Variants in TIGD1 observed in about 807,000 individuals in gnomAD.
TIGD1 encodes the protein tigger transposable element-derived protein 1.
Under a neutral mutation model 21.3 loss-of-function variants are expected in TIGD1, and 20 were observed. The observed-to-expected ratio is 0.94, with a 90% CI of 0.66 to 1.36. The LOEUF (loss-of-function observed/expected upper bound fraction) is 1.36, where lower values mean the gene tolerates loss of function less well. TIGD1 is among the 40% of genes most tolerant of loss of function. The pLI is 0.00. For missense variants in TIGD1, 556 were observed against 350.5 expected, an observed-to-expected ratio of 1.59 and a Z score of -4.68; for synonymous variants, 177 against 123.2, an observed-to-expected ratio of 1.44 and a Z score of -2.89.
rs59295139 is a variant in TIGD1, at chr2:232,546,193, C to G, written c.*1914G>C. ...AGCCCATACCAGCTGGCATCTCCCC[C>G]CCGTGCCTTCTGGGTACAATAAGCA... On this transcript the variant is annotated 3_prime_UTR_variant, in exon 1 of 1. Coordinates refer to ENST00000408957, the MANE Select transcript of TIGD1 (RefSeq NM_145702.4). 1.2e-4 allele frequency: 27 copies of G among 221,832 alleles called. No homozygotes were observed. Among genetic ancestry groups the G allele is most frequent in the African/African-American group, 5.8e-4 (26 of 44,576 alleles). 13.7% of individuals were successfully genotyped at this position (221,832 alleles called of 1,614,324 possible).
chr2:232,545,388 G>C lies in TIGD1; in HGVS notation c.*2719C>G, dbSNP rs729941. Among the ~76,000 whole-genome samples the C allele has an allele frequency of 0.18, 26,834 of 151,942 alleles. 2,592 individuals carry two copies. Among genetic ancestry groups the C allele is most frequent in the Middle Eastern group, 0.26 (76 of 294 alleles). On this transcript the variant is annotated 3_prime_UTR_variant, in exon 1 of 1. Transcript: ENST00000408957. Reference sequence around the variant, plus strand: ...AGGGGGGGCACCTCAGGGCCAGGGGGCCATGGAATTAGCCACCAGTTGGGA... The same window carrying C: ...AGGGGGGGCACCTCAGGGCCAGGGGCCCATGGAATTAGCCACCAGTTGGGA...
In TIGD1 at chr2:232,545,702, C is replaced by G; in HGVS notation, c.*2405G>C. ...CCCTGGAGATCCACGCCCCTACCTG[C>G]CCTCACCAGACTGAGCCAACCAACC... On this transcript the variant is annotated 3_prime_UTR_variant, in exon 1 of 1. Transcript: ENST00000408957. The G allele has an allele frequency of 6.2e-7, 1 of 1,614,174 alleles. No homozygotes were observed.
chr2:232,547,930 G>C lies in TIGD1; in HGVS notation c.*177C>G, dbSNP rs1366436207. The C allele has an allele frequency of 2.3e-6, 1 of 444,068 alleles. No individual in the cohort carries two copies. Among genetic ancestry groups the C allele is most frequent in the Non-Finnish European group, 3.9e-6 (1 of 254,724 alleles). The allele number at this position is 444,068 out of a possible 1,614,324, so 27.5% of individuals were successfully genotyped here. On this transcript the variant is annotated 3_prime_UTR_variant, in exon 1 of 1. Coordinates refer to ENST00000408957, the MANE Select transcript of TIGD1 (RefSeq NM_145702.4). ...GAGGCATACCTCAAAGACATTGCAGGTTCAGTTCCAGACCAACACAAGAAA... is the reference window on the plus strand; with the variant it reads ...GAGGCATACCTCAAAGACATTGCAGCTTCAGTTCCAGACCAACACAAGAAA...
In TIGD1 at chr2:232,546,352, TTTG is replaced by T. The variant is rs1692135948; in HGVS notation, c.*1752_*1754del. The T allele has an allele frequency of 6.4e-6, 1 of 156,694 alleles. No homozygotes were observed. The highest frequency in any genetic ancestry group is 1.4e-5 in the Non-Finnish European group (1 of 71,228). The allele number at this position is 156,694 out of a possible 1,614,324, so 9.7% of individuals were successfully genotyped here. A position where few individuals can be genotyped will look rare whatever the true frequency, so the allele number is the denominator to read the frequency against. On this transcript the variant is annotated 3_prime_UTR_variant, in exon 1 of 1. Coordinates refer to ENST00000408957, the MANE Select transcript of TIGD1 (RefSeq NM_145702.4). ...TTAGTTTTTGATGTGTTGTTGTTGT[TTTG>T]TTTAGTTTTGAGATAGAGCCTCACT...
In TIGD1 at chr2:232,544,615, C is replaced by A. The variant is rs1164676591; in HGVS notation, c.*3492G>T. The A allele has an allele frequency of 6.3e-7, 1 of 1,589,518 alleles. No individual in the cohort carries two copies. Among genetic ancestry groups the A allele is most frequent in the South Asian group, 1.1e-5 (1 of 90,556 alleles). On this transcript the variant is annotated 3_prime_UTR_variant, in exon 1 of 1. Transcript: ENST00000408957. Reference sequence around the variant, plus strand: ...ACCAGGTGTGCCTGGGGACAGTCCTCCCCTGGGACCCCAGCTGGGGAGCCA... The same window carrying A: ...ACCAGGTGTGCCTGGGGACAGTCCTACCCTGGGACCCCAGCTGGGGAGCCA...
Position 232,549,037 on chromosome 2 carries a change from G to A in TIGD1, c.846C>T (p.Pro282=). The A allele has an allele frequency of 1.4e-6, 1 of 709,126 alleles. No individual in the cohort carries two copies. Among genetic ancestry groups the A allele is most frequent in the Admixed American group, 2.0e-5 (1 of 49,236 alleles). 43.9% of individuals were successfully genotyped at this position (709,126 alleles called of 1,614,324 possible). Residue 282 remains proline (P), a synonymous_variant, in exon 1 of 1, where the codon CCC becomes CCT. Coordinates refer to ENST00000408957, the MANE Select transcript of TIGD1 (RefSeq NM_145702.4). ...TTTCTGAGCAGTAGGTCTCAACAGT[G>A]GGTTTAAAATATTCAGTAAACCACG... ...FTAWFTEYFK[P]TVETYCSEKK...
In TIGD1 at chr2:232,548,031, G is replaced by C. The variant is rs930882146; in HGVS notation, c.*76C>G. On this transcript the variant is annotated 3_prime_UTR_variant, in exon 1 of 1. Coordinates refer to ENST00000408957, the MANE Select transcript of TIGD1 (RefSeq NM_145702.4). ...TACACTATACTGTAGACCAGCAAGA[G>C]TGCAATAGCATTGTCTAATAAAACA... 4 of 548,462 alleles carry C rather than the reference G, an allele frequency of 7.3e-6. No homozygotes were observed. Among genetic ancestry groups the C allele is most frequent in the Admixed American group, 3.7e-5 (1 of 27,100 alleles). The allele number at this position is 548,462 out of a possible 1,614,324, so 34.0% of individuals were successfully genotyped here.
Position 232,545,897 on chromosome 2 carries a change from T to C in TIGD1, c.*2210A>G, listed in dbSNP as rs944288485. The C allele has an allele frequency of 1.7e-5, 13 of 750,462 alleles. No homozygotes were observed. Among genetic ancestry groups the C allele is most frequent in the African/African-American group, 5.2e-5 (3 of 58,246 alleles). The allele number at this position is 750,462 out of a possible 1,614,324, so 46.5% of individuals were successfully genotyped here. On this transcript the variant is annotated 3_prime_UTR_variant, in exon 1 of 1. Coordinates refer to ENST00000408957, the MANE Select transcript of TIGD1 (RefSeq NM_145702.4). ...AGTCTGAGCTGGAGTCCGAGAGTGG[T>C]TGGGGGTGGGCCGTGGCTAGTGTCC... is the stretch of plus-strand genomic sequence containing the variant.
Position 232,544,932 on chromosome 2 carries a change from G to C in TIGD1, c.*3175C>G, listed in dbSNP as rs1478395865. On this transcript the variant is annotated 3_prime_UTR_variant, in exon 1 of 1. Transcript: ENST00000408957. ...GCTGAGTCAGGGTGGGGTGGAGGTG[G>C]AGTGAGTACCTGGGCTTGGAACCGT... 7 of 1,613,366 alleles carry C rather than the reference G, an allele frequency of 4.3e-6. No individual in the cohort carries two copies. The highest frequency in any genetic ancestry group is 5.9e-6 in the Non-Finnish European group (7 of 1,179,830).
Position 232,548,948 on chromosome 2 carries a change from A to G in TIGD1, c.935T>C (p.Met312Thr), listed in dbSNP as rs1220206143. 5 of 684,146 alleles carry G rather than the reference A, an allele frequency of 7.3e-6. No homozygotes were observed. The highest frequency in any genetic ancestry group is 1.3e-5 in the Non-Finnish European group (5 of 373,526). The allele number at this position is 684,146 out of a possible 1,614,324, so 42.4% of individuals were successfully genotyped here. A position where few individuals can be genotyped will look rare whatever the true frequency, so the allele number is the denominator to read the frequency against. The change falls in exon 1 of 1, where the codon ATG becomes ACG. Residue 312 changes from methionine to threonine, a missense_variant. Transcript: ENST00000408957. ...AACATTAATCTCCTCGTATATCTCC[A>G]TCAGAGCTCTTGGATGACTAGGGGC... ...DNAPSHPRAL[M>T]EIYEEINVIF...
In TIGD1 at chr2:232,548,713, T is replaced by C; in HGVS notation, c.1170A>G (p.Ser390=). ...ILDAIKNIRD[S]WEEVKLSTLT... Reference sequence around the variant, plus strand: ...ATGTTGACAATTTGACCTCCTCCCATGAATCACGAATGTTTTTAATGGCAT... The same window carrying C: ...ATGTTGACAATTTGACCTCCTCCCACGAATCACGAATGTTTTTAATGGCAT... Residue 390 remains serine, a synonymous_variant, in exon 1 of 1, where the codon TCA becomes TCG. Transcript: ENST00000408957. 1 of 491,320 alleles carries C rather than the reference T, an allele frequency of 2.0e-6. No individual in the cohort carries two copies. Among genetic ancestry groups the C allele is most frequent in the Non-Finnish European group, 3.9e-6 (1 of 256,322 alleles). The allele number at this position is 491,320 out of a possible 1,614,324, so 30.4% of individuals were successfully genotyped here.
chr2:232,545,752 C>T lies in TIGD1; in HGVS notation c.*2355G>A, dbSNP rs1574647700. On this transcript the variant is annotated 3_prime_UTR_variant, in exon 1 of 1. Transcript: ENST00000408957. ...CACTGTGGGGCATGTGGGAGTCACACACGTGGGTCACACTGAGTCTTATCA... is the reference window on the plus strand; with the variant it reads ...CACTGTGGGGCATGTGGGAGTCACATACGTGGGTCACACTGAGTCTTATCA... The T allele has an allele frequency of 6.2e-7, 1 of 1,607,814 alleles. No individual in the cohort carries two copies. Among genetic ancestry groups the T allele is most frequent in the Non-Finnish European group, 8.5e-7 (1 of 1,174,714 alleles).
Position 232,550,102 on chromosome 2 carries a change from C to G in TIGD1, c.-220G>C. The G allele has an allele frequency of 2.4e-6, 1 of 424,030 alleles. No individual in the cohort carries two copies. The highest frequency in any genetic ancestry group is 4.3e-6 in the Non-Finnish European group (1 of 232,780). 26.3% of individuals were successfully genotyped at this position (424,030 alleles called of 1,614,324 possible). A position where few individuals can be genotyped will look rare whatever the true frequency, so the allele number is the denominator to read the frequency against. On this transcript the variant is annotated 5_prime_UTR_variant, in exon 1 of 1. Transcript: ENST00000408957. ...TGATCATAGATCACCATAACAGACA[C>G]AGAAATCATGAAAAAGTTTTAAATA... is the stretch of plus-strand genomic sequence containing the variant.
chr2:232,544,545 G>C lies in TIGD1; in HGVS notation c.*3562C>G, dbSNP rs1030223742. On this transcript the variant is annotated 3_prime_UTR_variant, in exon 1 of 1. Transcript: ENST00000408957. ...GAACTCCTCTTCCAGCAGTGGCAGCGGCAAGGGCTGGTGGCGGCAGCGCTG... is the reference window on the plus strand; with the variant it reads ...GAACTCCTCTTCCAGCAGTGGCAGCCGCAAGGGCTGGTGGCGGCAGCGCTG... 4.3e-6 allele frequency: 7 copies of C among 1,613,712 alleles called. No homozygotes were observed. Among genetic ancestry groups the C allele is most frequent in the Admixed American group, 1.7e-5 (1 of 60,030 alleles).
rs1559305373 is a variant in TIGD1, at chr2:232,544,880, A to G, written c.*3227T>C. ...TGCAACCTCATTGCCTGTGCCCGGCACCAGCAGAGTCACTTTGACAATGTA... is the reference window on the plus strand; with the variant it reads ...TGCAACCTCATTGCCTGTGCCCGGCGCCAGCAGAGTCACTTTGACAATGTA... On this transcript the variant is annotated 3_prime_UTR_variant, in exon 1 of 1. Coordinates refer to ENST00000408957, the MANE Select transcript of TIGD1 (RefSeq NM_145702.4). 1 of 1,613,986 alleles carries G rather than the reference A, an allele frequency of 6.2e-7. No homozygotes were observed. The highest frequency in any genetic ancestry group is 8.5e-7 in the Non-Finnish European group (1 of 1,180,002).
At position 232,547,999 on chromosome 2, in the gene TIGD1, TTA is replaced by T. The variant is rs539316975; in HGVS notation, c.*106_*107del. 3.7e-4 allele frequency: 171 copies of T among 456,746 alleles called. No individual in the cohort carries two copies. Among genetic ancestry groups the T allele is most frequent in the Non-Finnish European group, 3.3e-4 (86 of 261,530 alleles). The allele number at this position is 456,746 out of a possible 1,614,324, so 28.3% of individuals were successfully genotyped here. On this transcript the variant is annotated 3_prime_UTR_variant, in exon 1 of 1. Coordinates refer to ENST00000408957, the MANE Select transcript of TIGD1 (RefSeq NM_145702.4). ...TTTGGTTTCCCAATGCATATAAAAGTTATGTTTACACTATACTGTAGACCAGC... is the reference window on the plus strand; with the variant it reads ...TTTGGTTTCCCAATGCATATAAAAGTTGTTTACACTATACTGTAGACCAGC...
In TIGD1 at chr2:232,550,414, A is replaced by G; in HGVS notation, c.-532T>C. 1 of 497,760 alleles carries G rather than the reference A, an allele frequency of 2.0e-6. No homozygotes were observed. Among genetic ancestry groups the G allele is most frequent in the Non-Finnish European group, 3.6e-6 (1 of 275,158 alleles). The allele number at this position is 497,760 out of a possible 1,614,324, so 30.8% of individuals were successfully genotyped here. On this transcript the variant is annotated 5_prime_UTR_variant, in exon 1 of 1. Transcript: ENST00000408957. ...AGCGAGTCCAGAGCCCGCGCCGTCA[A>G]CGACGCGGTGCTGCCTTTTTTCCGA...
rs1257677659 is a variant in TIGD1, at chr2:232,545,093, T to TCA, written c.*3013_*3014insTG. 6.6e-6 allele frequency among the ~76,000 whole-genome samples: 1 copy of TCA among 151,984 alleles called. No homozygotes were observed. Among genetic ancestry groups the TCA allele is most frequent in the African/African-American group, 2.4e-5 (1 of 41,390 alleles). On this transcript the variant is annotated 3_prime_UTR_variant, in exon 1 of 1. Transcript: ENST00000408957. ...GAGTGGATCACCTGAGGTCAGGAGT[T>TCA]TGAGACCAGCCTGGCCAACATGGCA...
rs1574649564 is a variant in TIGD1 at position 232,548,575 on chromosome 2, T to G, written c.1308A>C (p.Glu436Asp). The change falls in exon 1 of 1, where the codon GAA becomes GAC. Residue 436 changes from glutamate (E) to aspartate (D), a missense_variant. Physicochemically the swap from Glu to Asp is conservative, Grantham distance 45 (BLOSUM62 2). Transcript: ENST00000408957. Reference sequence around the variant, plus strand: ...TTACATCTTCAGGCTCTACTTCTAATTCTAGTTCTTTTGCTATTTCCACCA... The same window carrying G: ...TTACATCTTCAGGCTCTACTTCTAAGTCTAGTTCTTTTGCTATTTCCACCA... ...ADVVEIAKELELEVEPEDVTE... is the reference protein window; with the variant it reads ...ADVVEIAKELDLEVEPEDVTE... 1 of 602,894 alleles carries G rather than the reference T, an allele frequency of 1.7e-6. No homozygotes were observed. Among genetic ancestry groups the G allele is most frequent in the Admixed American group, 2.1e-5 (1 of 46,560 alleles). The allele number at this position is 602,894 out of a possible 1,614,324, so 37.3% of individuals were successfully genotyped here. A position where few individuals can be genotyped will look rare whatever the true frequency, so the allele number is the denominator to read the frequency against.
Sources: allele counts gnomAD v4.1 joint callset (sites outside exome capture counted in the v4.1 genomes callset), GRCh38; gene constraint gnomAD v4.1.1; transcripts MANE v1.5; gene names NCBI Gene and HGNC (gene_info 2026-07-23, HGNC 2026-07-21).